The following CPT2 variants were observed in gnomAD, a reference collection of about 807,000 sequenced individuals.
The protein encoded by CPT2 is carnitine palmitoyltransferase 2, also known as carnitine O-palmitoyltransferase 2, mitochondrial.
In CPT2, 37 loss-of-function variants were observed where a neutral mutation model predicts 48.6. The observed-to-expected ratio is 0.76, with a 90% CI of 0.59 to 1.00. The LOEUF (loss-of-function observed/expected upper bound fraction) is 1.00. Among genes scored for constraint, CPT2 ranks in the 50% least tolerant of loss-of-function variants. The probability of loss-of-function intolerance (pLI) is 0.00; values close to 1 mark genes in which losing one functional copy is unlikely to be tolerated. For synonymous variants in CPT2, 319 were observed against 326.9 expected, an observed-to-expected ratio of 0.98 and a Z score of 0.26; for missense variants, 772 against 825.6, an observed-to-expected ratio of 0.94 and a Z score of 0.80.
chr1:53,205,542 A>C (rs533538746), intron 3 of CPT2, among the ~76,000 whole-genome samples: 4 of 152,348 alleles, frequency 2.6e-5, no homozygotes, highest in South Asian at 4.1e-4. Flanking sequence ...TTCTGGGGAG[A>C]AATTCAAGCC....
At chr1:53,206,355 AATGGGGAGCCTAGTGGAAC>A (rs1294502437) in intron 3 of CPT2, among the ~76,000 whole-genome samples, 2 of 152,198 alleles carry the variant, frequency 1.3e-5, no homozygotes, top group African/African-American at 4.8e-5. Flanking sequence ...CAGAGTTCCC[AATGGGGAGCCTAGTGGAAC>A]TGTGAGAAGA....
At chr1:53,211,668 C>T (rs1645429664) in intron 4 of CPT2, 1 of 321,390 alleles carries the variant, frequency 3.1e-6, no homozygotes, top group Non-Finnish European at 5.6e-6. Context: ...GGCGTGATCT[C>T]GGCTCACTGC....
chr1:53,211,054 GCTGA>G lies in CPT2; in HGVS notation c.1381_1384del (p.Leu461AlafsTer70). On this transcript the variant is annotated frameshift_variant, in exon 4 of 5. Transcript: ENST00000371486. LOFTEE classifies it high-confidence loss of function. Reference sequence around the variant, plus strand: ...GCAAAGAATTCCTGAAGAAGCAAAAGCTGAGCCCTGACGCAGTTGCCCAGCTGGC... The same window carrying G: ...GCAAAGAATTCCTGAAGAAGCAAAAGGCCCTGACGCAGTTGCCCAGCTGGC... The G allele has an allele frequency of 1.2e-6, 2 of 1,614,228 alleles. No homozygotes were observed. The highest frequency in any genetic ancestry group is 1.7e-6 in the Non-Finnish European group (2 of 1,180,044).
chr1:53,203,390 T>C (rs1236039935), intron 3 of CPT2: 2 of 152,240 alleles, frequency 1.3e-5, no homozygotes, highest in Non-Finnish European at 2.9e-5. Context: ...AGAAACACTA[T>C]TGTCAGCTGA....
rs371560287 is a variant in CPT2, at chr1:53,210,015, G to A, written c.341G>A (p.Gly114Glu). The change falls in exon 4 of 5, where the codon GGA becomes GAA. Residue 114 changes from glycine (G) to glutamate (E), a missense_variant and splice_region_variant. Transcript: ENST00000371486. ...KQNKHTSYIS[G>E]PWFDMYLSAR... ...TTATTTTTTTCTTTTTATTTTTTAG[G>A]ACCCTGGTTTGATATGTACCTATCT... 6.2e-7 allele frequency: 1 copy of A among 1,611,480 alleles called. No homozygotes were observed. Among genetic ancestry groups the A allele is most frequent in the African/African-American group, 1.3e-5 (1 of 74,606 alleles).
chr1:53,200,520 T>C (rs1266219299), intron 1 of CPT2, 199 bp from the exon 2 acceptor site: 1 of 550,810 alleles, frequency 1.8e-6, no homozygotes. Flanking sequence ...AAAGATTTAG[T>C]TGTTATTTTA....
rs1489948824 is a variant in CPT2 at position 53,213,471 on chromosome 1, A to T, written c.1853A>T (p.Asp618Val). The change falls in exon 5 of 5, where the codon GAC (aspartate) becomes GTC (valine). Residue 618 changes from aspartate (D) to valine (V), a missense_variant. By Grantham distance (152) the Asp-to-Val change is radical. Coordinates refer to ENST00000371486, the MANE Select transcript of CPT2 (RefSeq NM_000098.3). Reference sequence around the variant, plus strand: ...TTTGGTGTTGGGTATGCTGTTCATGACAACTGGATAGGCTGCAATGTCTCT... The same window carrying T: ...TTTGGTGTTGGGTATGCTGTTCATGTCAACTGGATAGGCTGCAATGTCTCT... ...DGFGVGYAVH[D>V]NWIGCNVSSY... The T allele has an allele frequency of 6.2e-7, 1 of 1,614,248 alleles. No individual in the cohort carries two copies. Among genetic ancestry groups the T allele is most frequent in the Middle Eastern group, 1.6e-4 (1 of 6,062 alleles).
intron 1 of CPT2, chr1:53,200,135 A>G (rs1221092307): frequency 1.3e-5 from 2 of 153,118 alleles, no homozygotes; most frequent in African/African-American, 4.8e-5. Context: ...TGTTCCTGTT[A>G]TTTAAGCACA....
chr1:53,198,702 G>A (rs1572379175), intron 1 of CPT2, among the ~76,000 whole-genome samples: 4 of 152,216 alleles, frequency 2.6e-5, no homozygotes, highest in Non-Finnish European at 5.9e-5. Flanking sequence ...AAGCTGGAAA[G>A]AATATTCAAG....
intron 3 of CPT2, chr1:53,208,682 C>T (rs2100269852): frequency 6.6e-6 from 1 of 152,168 alleles, no homozygotes; most frequent in African/African-American, 2.4e-5. Flanking sequence ...GCAAGAGAAA[C>T]CTAAAGAGAT....
Position 53,202,371 on chromosome 1 carries a change from A to T in CPT2, c.282A>T (p.Glu94Asp). Residue 94 changes from glutamate to aspartate, a missense_variant, in exon 3 of 5, where the codon GAA becomes GAT. By Grantham distance (45) the Glu-to-Asp change is conservative (BLOSUM62 2). Transcript: ENST00000371486. ...CKSFENGIGK[E>D]LHEQLVALDK... is the part of the protein sequence containing the mutation. ...GTTTTGAAAATGGGATTGGAAAAGAACTGCATGAGCAGCTGGTTGCTCTGG... is the reference window on the plus strand; with the variant it reads ...GTTTTGAAAATGGGATTGGAAAAGATCTGCATGAGCAGCTGGTTGCTCTGG... 1 of 1,614,190 alleles carries T rather than the reference A, an allele frequency of 6.2e-7. No homozygotes were observed. The highest frequency in any genetic ancestry group is 2.2e-5 in the East Asian group (1 of 44,880).
intron 2 of CPT2, chr1:53,201,190 C>T (rs1300217046): frequency 1.1e-5 from 3 of 263,174 alleles, no homozygotes; most frequent in African/African-American, 2.2e-5. Flanking sequence ...GGATAGCATG[C>T]CTCCAAAATT....
Position 53,213,404 on chromosome 1 carries a change from G to A in CPT2, c.1786G>A (p.Ala596Thr). 1 of 1,614,280 alleles carries A rather than the reference G, an allele frequency of 6.2e-7. No homozygotes were observed. The highest frequency in any genetic ancestry group is 1.1e-5 in the South Asian group (1 of 91,092). Residue 596 changes from alanine to threonine, a missense_variant, in exon 5 of 5, where the codon GCA becomes ACA. Coordinates refer to ENST00000371486, the MANE Select transcript of CPT2 (RefSeq NM_000098.3). Reference protein sequence around the residue: ...VLSTSTLSSPAVNLGGFAPVV... With the variant: ...VLSTSTLSSPTVNLGGFAPVV... ...GTCCACGAGCACACTGAGCAGCCCA[G>A]CAGTGAACCTTGGGGGCTTTGCCCC...
intron 4 of CPT2, among the ~76,000 whole-genome samples, chr1:53,212,310 G>A (rs909703072): frequency 2.6e-5 from 4 of 151,908 alleles, no homozygotes; most frequent in African/African-American, 4.8e-5. Context: ...TGATCTACCC[G>A]CCTCACCCTC....
Position 53,213,450 on chromosome 1 carries a change from G to A in CPT2, c.1832G>A (p.Gly611Asp). The A allele has an allele frequency of 1.9e-6, 3 of 1,614,240 alleles. No individual in the cohort carries two copies. The highest frequency in any genetic ancestry group is 2.2e-5 in the South Asian group (2 of 91,084). ...GFAPVVSDGF[G>D]VGYAVHDNWI... ...GCCCCTGTGGTCTCTGATGGCTTTG[G>A]TGTTGGGTATGCTGTTCATGACAAC... Residue 611 changes from glycine to aspartate, a missense_variant, in exon 5 of 5, where the codon GGT becomes GAT. Transcript: ENST00000371486.
At chr1:53,197,733 C>G (rs1249717637) in intron 1 of CPT2, among the ~76,000 whole-genome samples, 1 of 152,046 alleles carries the variant, frequency 6.6e-6, no homozygotes, top group Non-Finnish European at 1.5e-5. Flanking sequence ...CAGTGTTCAC[C>G]CGGAAACCTT....
At chr1:53,197,765 CA>C in intron 1 of CPT2, among the ~76,000 whole-genome samples, 1 of 152,198 alleles carries the variant, frequency 6.6e-6, no homozygotes, top group South Asian at 2.1e-4. Context: ...AAGCCCTCCT[CA>C]ACAGGTTCCT....
intron 3 of CPT2, among the ~76,000 whole-genome samples, chr1:53,207,236 T>G (rs910218487): frequency 3.0e-4 from 46 of 152,188 alleles, no homozygotes; most frequent in African/African-American, 1.0e-3. Context: ...TCTTTATAAA[T>G]TATCCAGTCT....
At chr1:53,197,392 C>T (rs1236281609) in intron 1 of CPT2, 4 of 488,194 alleles carry the variant, frequency 8.2e-6, no homozygotes, top group South Asian at 4.2e-5. Flanking sequence ...TATCCTGAGT[C>T]CTCTTCTCCC....
Sources: allele counts gnomAD v4.1 joint callset (sites outside exome capture counted in the v4.1 genomes callset), GRCh38; gene constraint gnomAD v4.1.1; transcripts MANE v1.5; gene names NCBI Gene and HGNC (gene_info 2026-07-23, HGNC 2026-07-21).